CAPN10: variants seen among roughly 807,000 people sequenced by gnomAD.
The protein encoded by CAPN10 is calpain-10.
A neutral mutation model predicts 78.4 loss-of-function variants in CAPN10; 71 were observed. That is an observed-to-expected ratio of 0.91 (90% CI 0.75 to 1.10). The LOEUF is 1.10. Ranked by LOEUF, CAPN10 falls within the 50% of genes least tolerant of loss-of-function variation. The pLI is 0.00. For missense variants in CAPN10, 849 were observed against 924.6 expected (o/e 0.92, Z 1.06); for synonymous variants, 437 against 407.2 (o/e 1.07, Z -0.88).
rs1169557266 is a variant in CAPN10 at position 240,596,814 on chromosome 2, C to A, written c.1615C>A (p.Pro539Thr). 1.2e-6 allele frequency: 2 copies of A among 1,613,194 alleles called. No homozygotes were observed. The highest frequency in any genetic ancestry group is 1.7e-5 in the Admixed American group (1 of 59,994). The change falls in exon 9 of 12, where the codon CCC (proline) becomes ACC (threonine). Residue 539 changes from proline (P) to threonine (T), a missense_variant. Coordinates refer to ENST00000391984, the MANE Select transcript of CAPN10 (RefSeq NM_023083.4). Reference protein sequence around the residue: ...AGGSRNFASYPTNPCFPFSVP... With the variant: ...AGGSRNFASYTTNPCFPFSVP... Reference sequence around the variant, plus strand: ...GGGCAGCAGGAACTTTGCCTCATACCCCACCAACCCCTGCTTCCCCTTCTC... The same window carrying A: ...GGGCAGCAGGAACTTTGCCTCATACACCACCAACCCCTGCTTCCCCTTCTC...
In CAPN10 at chr2:240,592,128, C is replaced by T. The variant is rs1402133831; in HGVS notation, c.666C>T (p.Cys222=). The T allele has an allele frequency of 1.9e-6, 3 of 1,572,592 alleles. No individual in the cohort carries two copies. ...TGAAGGACCAGTGTCTGATCAGCTG[C>T]TGCGTGCTCAGCCCCAGAGCAGGTG... ...LHLKDQCLIS[C]CVLSPRAGAR... is the part of the protein sequence containing the mutation. The change falls in exon 4 of 12, where the codon TGC becomes TGT. Residue 222 remains cysteine (C), a synonymous_variant. Transcript: ENST00000391984.
intron 7 of CAPN10, 147 bp from the exon 8 acceptor site, chr2:240,596,172 C>G: frequency 6.7e-7 from 1 of 1,487,884 alleles, no homozygotes; most frequent in Non-Finnish European, 8.9e-7. Flanking sequence ...TCTAGCTGGT[C>G]CCTGAGAGAG....
At chr2:240,590,368 C>T (rs41266967) in intron 2 of CAPN10, 1,679 of 153,986 alleles carry the variant, frequency 0.011, 12 homozygotes, top group Middle Eastern at 0.023. Flanking sequence ...GCAGCCAGCT[C>T]GGTCAAGAAC....
At chr2:240,595,869 T>G in intron 7 of CAPN10, 1 of 1,141,630 alleles carries the variant, frequency 8.8e-7, no homozygotes. Context: ...AGGGCCTGAG[T>G]GTGGGTCGAG....
chr2:240,597,006 G>T, intron 9 of CAPN10, 64 bp downstream of exon 9: 1 of 1,596,314 alleles, frequency 6.3e-7, no homozygotes. Context: ...TTGCATCTTG[G>T]CCTCCATTGT....
At chr2:240,588,981 A>T (rs1488403229) in intron 1 of CAPN10, among the ~76,000 whole-genome samples, 1 of 55,228 alleles carries the variant, frequency 1.8e-5, no homozygotes, top group Non-Finnish European at 3.4e-5. Flanking sequence ...GGTGTGGGAA[A>T]TGGAGCCTGC....
At chr2:240,597,361 G>T (rs908737566) in intron 9 of CAPN10, among the ~76,000 whole-genome samples, 10 of 152,184 alleles carry the variant, frequency 6.6e-5, no homozygotes, top group Admixed American at 6.5e-4. Context: ...GCAGCCCCTC[G>T]GGTGTGAGGA....
At position 240,599,065 on chromosome 2, in the gene CAPN10, A is replaced by T; in HGVS notation, c.*385A>T. 1 of 271,924 alleles carries T rather than the reference A, an allele frequency of 3.7e-6. No homozygotes were observed. The highest frequency in any genetic ancestry group is 7.0e-6 in the Non-Finnish European group (1 of 142,364). The allele number at this position is 271,924 out of a possible 1,614,324, so 16.8% of individuals were successfully genotyped here. A position where few individuals can be genotyped will look rare whatever the true frequency, so the allele number is the denominator to read the frequency against. On this transcript the variant is annotated 3_prime_UTR_variant, in exon 12 of 12. Coordinates refer to ENST00000391984, the MANE Select transcript of CAPN10 (RefSeq NM_023083.4). ...ATTTATTGTTCGAATCACTTTTAGG[A>T]TGTAACTTTATAAATAAACATGAGC...
Position 240,586,931 on chromosome 2 carries a change from CGACGCCGGCGAGGGAGCTGTTCCGG to C in CAPN10, c.28_52del (p.Ala10ProfsTer48), listed in dbSNP as rs1401838487. 9.7e-6 allele frequency: 14 copies of C among 1,447,992 alleles called. No homozygotes were observed. Among genetic ancestry groups the C allele is most frequent in the African/African-American group, 1.5e-5 (1 of 67,552 alleles). 89.7% of individuals were successfully genotyped at this position (1,447,992 alleles called of 1,614,324 possible). On this transcript the variant is annotated frameshift_variant, in exon 1 of 12. Coordinates refer to ENST00000391984, the MANE Select transcript of CAPN10 (RefSeq NM_023083.4). LOFTEE classifies it high-confidence loss of function. ...CCGAGGATGCGGGCGGGCCGGGGCG[CGACGCCGGCGAGGGAGCTGTTCCGG>C]GACGCCGCCTTCCCCGCCGCGGACT... is the stretch of plus-strand genomic sequence containing the variant.
chr2:240,588,323 C>T (rs779805224), intron 1 of CAPN10, among the ~76,000 whole-genome samples: 2 of 151,914 alleles, frequency 1.3e-5, no homozygotes, highest in Admixed American at 1.3e-4. Flanking sequence ...CAGTCCACAG[C>T]CTGGGAGAGT....
chr2:240,594,010 T>G lies in CAPN10; in HGVS notation c.793T>G (p.Trp265Gly). 1 of 1,610,186 alleles carries G rather than the reference T, an allele frequency of 6.2e-7. No individual in the cohort carries two copies. Residue 265 changes from tryptophan (W) to glycine (G), a missense_variant, in exon 5 of 12, where the codon TGG becomes GGG. Coordinates refer to ENST00000391984, the MANE Select transcript of CAPN10 (RefSeq NM_023083.4). ...CILLLRIQNP[W>G]GRRCWQGLWR... The stretch of plus-strand genomic sequence containing the variant: ...CCTGCTGCTGCGGATCCAGAACCCC[T>G]GGGGCCGGCGGTGCTGGCAGGGGCT...
rs934112829 is a variant in CAPN10, at chr2:240,596,792, C to T, written c.1593C>T (p.Gly531=). ...GGAGAGTCGGCCAGACGGCGGGGGG[C>T]AGCAGGAACTTTGCCTCATACCCCA... The part of the protein sequence containing the change: ...GSWRVGQTAG[G]SRNFASYPTN... Residue 531 remains glycine, a synonymous_variant, in exon 9 of 12, where the codon GGC becomes GGT. Coordinates refer to ENST00000391984, the MANE Select transcript of CAPN10 (RefSeq NM_023083.4). The T allele has an allele frequency of 2.5e-6, 4 of 1,612,780 alleles. No individual in the cohort carries two copies. The highest frequency in any genetic ancestry group is 3.4e-6 in the Non-Finnish European group (4 of 1,179,850).
Position 240,598,630 on chromosome 2 carries a change from GC to G in CAPN10, c.1990-15del. The G allele has an allele frequency of 1.3e-6, 2 of 1,571,512 alleles. No individual in the cohort carries two copies. The highest frequency in any genetic ancestry group is 1.9e-5 in the Admixed American group (1 of 52,442). On this transcript the variant is annotated intron_variant, in intron 11 of 11. Coordinates refer to ENST00000391984, the MANE Select transcript of CAPN10 (RefSeq NM_023083.4). Reference sequence around the variant, plus strand: ...AGGGGCGAGTGCCACCGCTGCCCGGGCCCCCCATCTGTCTTTGCAGGTCTCC... The same window carrying G: ...AGGGGCGAGTGCCACCGCTGCCCGGGCCCCCATCTGTCTTTGCAGGTCTCC...
At position 240,596,940 on chromosome 2, in the gene CAPN10, C is replaced by T; in HGVS notation, c.1741C>T (p.Gln581Ter). ...CCACCCCATCGGCTTCCATATCTTCCAGGCAAGCTCCTTGCCCCAGGGAGG... is the reference window on the plus strand; with the variant it reads ...CCACCCCATCGGCTTCCATATCTTCTAGGCAAGCTCCTTGCCCCAGGGAGG... ...EFHPIGFHIF[Q>*]VPEGGRSQDA... Residue 581 changes from glutamine to a stop codon, truncating the protein, a stop_gained and splice_region_variant, in exon 9 of 12, where the codon CAG (glutamine) becomes TAG (stop). Coordinates refer to ENST00000391984, the MANE Select transcript of CAPN10 (RefSeq NM_023083.4). LOFTEE classifies it high-confidence loss of function. 2 of 1,613,496 alleles carry T rather than the reference C, an allele frequency of 1.2e-6. No individual in the cohort carries two copies. The highest frequency in any genetic ancestry group is 8.5e-7 in the Non-Finnish European group (1 of 1,180,038).
chr2:240,594,588 C>T lies in CAPN10; in HGVS notation c.876C>T (p.Leu292=). 1 of 1,613,898 alleles carries T rather than the reference C, an allele frequency of 6.2e-7. No individual in the cohort carries two copies. The highest frequency in any genetic ancestry group is 8.5e-7 in the Non-Finnish European group (1 of 1,179,964). The change falls in exon 6 of 12, where the codon CTC becomes CTT. Residue 292 remains leucine (L), a synonymous_variant. Coordinates refer to ENST00000391984, the MANE Select transcript of CAPN10 (RefSeq NM_023083.4). ...TAGATGCAGCGGTAGCATCTGAGCT[C>T]CTGTCCCAGCTCCAGGAAGGGGAGT... ...SQVDAAVASE[L]LSQLQEGEFW...
rs569913111 is a variant in CAPN10 at position 240,595,881 on chromosome 2, A to T, written c.1279-438A>T. 15 of 1,231,434 alleles carry T rather than the reference A, an allele frequency of 1.2e-5. No homozygotes were observed. The Admixed American group carries it at 3.4e-4, about 28-fold the overall frequency. The allele number at this position is 1,231,434 out of a possible 1,614,324, so 76.3% of individuals were successfully genotyped here. The stretch of plus-strand genomic sequence containing the variant: ...CAAAGGGCCTGAGTGTGGGTCGAGG[A>T]TATGCCGGCTGCTCGCTCAGGGGCT... On this transcript the variant is annotated intron_variant, in intron 7 of 11. Coordinates refer to ENST00000391984, the MANE Select transcript of CAPN10 (RefSeq NM_023083.4).
At chr2:240,588,390 C>G (rs1374261280) in intron 1 of CAPN10, among the ~76,000 whole-genome samples, 8 of 152,058 alleles carry the variant, frequency 5.3e-5, no homozygotes, top group African/African-American at 1.7e-4. Context: ...CCTTGAGGAA[C>G]CCTAACATTT....
intron 1 of CAPN10, 124 bp downstream of exon 1, chr2:240,587,176 C>T (rs1325824567): frequency 2.2e-6 from 1 of 454,636 alleles, no homozygotes. Context: ...TTGTTCTCCT[C>T]AGAAGTGGGC....
At chr2:240,595,476 G>T in intron 7 of CAPN10, 172 bp downstream of exon 7, 1 of 686,968 alleles carries the variant, frequency 1.5e-6, no homozygotes, top group Non-Finnish European at 2.4e-6. Context: ...GGTGCTCCCA[G>T]ACCCGGCTCT....
Sources: allele counts gnomAD v4.1 joint callset (sites outside exome capture counted in the v4.1 genomes callset), GRCh38; gene constraint gnomAD v4.1.1; transcripts MANE v1.5; gene names NCBI Gene and HGNC (gene_info 2026-07-23, HGNC 2026-07-21).